GLA: variants seen among roughly 807,000 people sequenced by gnomAD.
GLA encodes alpha-galactosidase A.
A neutral mutation model predicts 28.2 loss-of-function variants in GLA; 4 were observed. The observed-to-expected ratio is 0.14, with a 90% CI of 0.07 to 0.32. GLA has a LOEUF of 0.32. Among genes scored for constraint, GLA ranks in the 10% least tolerant of loss-of-function variants. The pLI, the probability that GLA is intolerant of heterozygous loss-of-function variation, is 1.00. For synonymous variants in GLA, 94 were observed against 113.0 expected, an observed-to-expected ratio of 0.83 and a Z score of 1.07; for missense variants, 203 against 323.7, an observed-to-expected ratio of 0.63 and a Z score of 2.86.
Position 101,398,117 on chromosome X carries a change from T to C in GLA, c.1000-18A>G. 1.7e-6 allele frequency: 2 copies of C among 1,198,665 alleles called. No individual in the cohort carries two copies. Among genetic ancestry groups the C allele is most frequent in the Non-Finnish European group, 2.3e-6 (2 of 883,816 alleles). On this transcript the variant is annotated intron_variant, in intron 6 of 6. Transcript: ENST00000218516. ...TTGTCTCCCTGAAAAACCAAGAAAG[T>C]GTGGTTGCTTAGCAACTAGTGATAA...
intron 4 of GLA, among the ~76,000 whole-genome samples, chrX:101,400,408 A>T (rs1450572263): frequency 9.0e-6 from 1 of 110,851 alleles, no homozygotes; most frequent in Non-Finnish European, 1.9e-5. Flanking sequence ...GAGATATTTT[A>T]GAGATACTGG....
chrX:101,403,748 A>C, intron 2 of GLA, 63 bp downstream of exon 2: 1 of 1,093,361 alleles, frequency 9.1e-7, no homozygotes. Flanking sequence ...GTTTCTAAAC[A>C]AGCTTCTGTA....
chrX:101,400,660 T>G lies in GLA; in HGVS notation c.639+6A>C, dbSNP rs200096940. 2.2e-5 allele frequency: 23 copies of G among 1,061,167 alleles called. No homozygotes were observed. The highest frequency in any genetic ancestry group is 2.5e-4 in the Middle Eastern group (1 of 4,043). The allele number at this position is 1,061,167 out of a possible 1,213,427, so 87.5% of individuals were successfully genotyped here. Reference sequence around the variant, plus strand: ...GTTCTATTGGATTCTGGGCTCACTATCTCACCTTTTGAAAGGGCCACATAT... The same window carrying G: ...GTTCTATTGGATTCTGGGCTCACTAGCTCACCTTTTGAAAGGGCCACATAT... On this transcript the variant is annotated splice_donor_region_variant and intron_variant, in intron 4 of 6. Coordinates refer to ENST00000218516, the MANE Select transcript of GLA (RefSeq NM_000169.3).
At chrX:101,405,184 C>T (rs1323404384) in intron 1 of GLA, among the ~76,000 whole-genome samples, 4 of 98,217 alleles carry the variant, frequency 4.1e-5, no homozygotes, top group African/African-American at 1.2e-4. Flanking sequence ...TGCGGTGAAC[C>T]GAGATCGTGA....
intron 5 of GLA, 99 bp from the exon 6 acceptor site, chrX:101,398,666 G>A: frequency 9.9e-7 from 1 of 1,011,897 alleles, no homozygotes; most frequent in Non-Finnish European, 1.4e-6. Flanking sequence ...ACAGCATCCT[G>A]CTCTAAGTAC....
intron 2 of GLA, among the ~76,000 whole-genome samples, chrX:101,403,221 C>T (rs144350469): frequency 0.044 from 4,530 of 102,649 alleles, 122 homozygotes; most frequent in Non-Finnish European, 0.069. Flanking sequence ...ATGGCATGAA[C>T]CCAGGAGGTG....
intron 1 of GLA, among the ~76,000 whole-genome samples, chrX:101,407,002 C>T (rs1287142659): frequency 8.9e-6 from 1 of 112,154 alleles, no homozygotes; most frequent in African/African-American, 3.2e-5. Context: ...AGGTTGTAAT[C>T]CCAATTTACA....
Position 101,398,092 on chromosome X carries a change from T to C in GLA, c.1007A>G (p.Asn336Ser). The C allele has an allele frequency of 8.3e-7, 1 of 1,211,104 alleles. No individual in the cohort carries two copies. The highest frequency in any genetic ancestry group is 1.1e-6 in the Non-Finnish European group (1 of 894,599). Residue 336 changes from asparagine to serine, a missense_variant, in exon 7 of 7, where the codon AAC becomes AGC. Coordinates refer to ENST00000218516, the MANE Select transcript of GLA (RefSeq NM_000169.3). ...KQGYQLRQGD[N>S]FEVWERPLSG... ...GAGAGGTCGTTCCCACACTTCAAAGTTGTCTCCCTGAAAAACCAAGAAAGT... is the reference window on the plus strand; with the variant it reads ...GAGAGGTCGTTCCCACACTTCAAAGCTGTCTCCCTGAAAAACCAAGAAAGT...
intron 1 of GLA, among the ~76,000 whole-genome samples, chrX:101,407,098 C>T (rs1348139818): frequency 1.6e-4 from 18 of 112,283 alleles, no homozygotes; most frequent in African/African-American, 5.8e-4. Context: ...TATAAAGTTC[C>T]TCCATGTCAA....
intron 1 of GLA, among the ~76,000 whole-genome samples, chrX:101,404,319 G>A (rs1429153101): frequency 9.0e-6 from 1 of 111,350 alleles, no homozygotes; most frequent in Non-Finnish European, 1.9e-5. Context: ...ATCCTATTTG[G>A]AGAAAAAGAT....
intron 2 of GLA, 28 bp downstream of exon 2, chrX:101,403,783 T>C (rs781899607): frequency 1.7e-6 from 2 of 1,188,978 alleles, no homozygotes; most frequent in South Asian, 3.5e-5. Flanking sequence ...GTCCTCTGAA[T>C]GAACAAGAAC....
Position 101,398,444 on chromosome X carries a change from C to T in GLA, c.925G>A (p.Ala309Thr). ...ATTACGTCCTTATCCTGAAGGAGAG[C>T]TTTGGCTTGAGGGCTGATGTGTCGG... ...DLRHISPQAK[A>T]LLQDKDVIAI... The change falls in exon 6 of 7, where the codon GCT becomes ACT. Residue 309 changes from alanine (A) to threonine (T), a missense_variant. Transcript: ENST00000218516. 1.7e-6 allele frequency: 2 copies of T among 1,209,653 alleles called. No individual in the cohort carries two copies. The highest frequency in any genetic ancestry group is 2.2e-6 in the Non-Finnish European group (2 of 893,775).
rs782453201 is a variant in GLA, at chrX:101,398,859, A to G, written c.727T>C (p.Leu243=). Residue 243 remains leucine (L), a synonymous_variant, in exon 5 of 7, where the codon TTG becomes CTG. Coordinates refer to ENST00000218516, the MANE Select transcript of GLA (RefSeq NM_000169.3). ...TCCTGGTTAAAAGATGTCCAGTCCA[A>G]GATACTCTTTATACTTTTCCAGGAA... ...DDSWKSIKSI[L]DWTSFNQERI... 5 of 1,208,657 alleles carry G rather than the reference A, an allele frequency of 4.1e-6. No individual in the cohort carries two copies. The highest frequency in any genetic ancestry group is 5.6e-6 in the Non-Finnish European group (5 of 892,534).
chrX:101,401,223 T>G, intron 3 of GLA: 3 of 227,422 alleles, frequency 1.3e-5, no homozygotes, highest in South Asian at 1.1e-4. Flanking sequence ...GCTTAAATTG[T>G]GTAAAGTACC....
At chrX:101,407,673 G>A (rs1456806022) in intron 1 of GLA, 37 bp downstream of exon 1, 1 of 1,156,219 alleles carries the variant, frequency 8.6e-7, no homozygotes, top group East Asian at 3.0e-5. Flanking sequence ...CAAACACATG[G>A]AAAAGCAAAG....
At chrX:101,400,404 T>C (rs1569303698) in intron 4 of GLA, among the ~76,000 whole-genome samples, 1 of 110,538 alleles carries the variant, frequency 9.0e-6, no homozygotes, top group Non-Finnish European at 1.9e-5. Flanking sequence ...TCAGGAGATA[T>C]TTTAGAGATA....
intron 3 of GLA, among the ~76,000 whole-genome samples, chrX:101,401,021 A>C (rs1928295508): frequency 9.0e-6 from 1 of 110,506 alleles, no homozygotes. Flanking sequence ...TTTTTACTAG[A>C]GATGGGGTTT....
Position 101,407,913 on chromosome X carries a change from G to A in GLA, c.-10C>T, listed in dbSNP as rs2071225. 0.073 allele frequency: 88,026 copies of A among 1,201,243 alleles called. 2,804 individuals are homozygous for A. The highest frequency in any genetic ancestry group is 0.27 in the South Asian group (15,080 of 56,554). On this transcript the variant is annotated 5_prime_UTR_variant, in exon 1 of 7. Coordinates refer to ENST00000218516, the MANE Select transcript of GLA (RefSeq NM_000169.3). ...GGTTCCTCAGCTGCATTGTCACGGTGACCGGACAGCATAAATTTCCGCGGG... is the reference window on the plus strand; with the variant it reads ...GGTTCCTCAGCTGCATTGTCACGGTAACCGGACAGCATAAATTTCCGCGGG...
rs782232871 is a variant in GLA at position 101,401,501 on chromosome X, G to A, written c.547+131C>T. On this transcript the variant is annotated intron_variant, in intron 3 of 6. Coordinates refer to ENST00000218516, the MANE Select transcript of GLA (RefSeq NM_000169.3). ...CTGAAAGAGAAGAGATGGGAGCTCT[G>A]GCACATGGAGAATAATTATTTCCAG... 8.4e-5 allele frequency: 49 copies of A among 581,838 alleles called. No individual in the cohort carries two copies. In the African/African-American group the frequency reaches 1.0e-3, roughly 12 times the overall value. The allele number at this position is 581,838 out of a possible 1,213,427, so 47.9% of individuals were successfully genotyped here. A position where few individuals can be genotyped will look rare whatever the true frequency, so the allele number is the denominator to read the frequency against.
Sources: gnomAD v4.1 joint callset for allele counts (sites outside exome capture counted in the v4.1 genomes callset) on GRCh38, gnomAD v4.1.1 for gene constraint, MANE v1.5 for transcripts, NCBI Gene and HGNC (gene_info 2026-07-23, HGNC 2026-07-21) for gene names.